LOC400499: variants seen among roughly 807,000 people sequenced by gnomAD.
chr16:11,409,209 C>T, the LOC400499 span, among the ~76,000 whole-genome samples: 7 of 151,658 alleles, frequency 4.6e-5, no homozygotes, highest in South Asian at 2.1e-4. Flanking sequence ...TGCGGTGAGT[C>T]GAGATCACGC....
chr16:11,469,897 C>T, the LOC400499 span, among the ~76,000 whole-genome samples: 1 of 152,182 alleles, frequency 6.6e-6, no homozygotes, highest in South Asian at 2.1e-4. Flanking sequence ...CCTGCACAGA[C>T]CCCTCCCATC....
the LOC400499 span, among the ~76,000 whole-genome samples, chr16:11,430,294 T>A: frequency 6.6e-6 from 1 of 152,118 alleles, no homozygotes; most frequent in Non-Finnish European, 1.5e-5. Flanking sequence ...GAGACCAGCC[T>A]GGTCAACCTG....
At chr16:11,417,949 G>A in the LOC400499 span, 135 of 397,346 alleles carry the variant, frequency 3.4e-4, no homozygotes, top group African/African-American at 2.5e-3. Flanking sequence ...CATCCACGTC[G>A]CTGTGATGGG....
the LOC400499 span, among the ~76,000 whole-genome samples, chr16:11,379,501 A>T: frequency 6.6e-6 from 1 of 152,202 alleles, no homozygotes; most frequent in East Asian, 1.9e-4. Flanking sequence ...TTTCACTTTC[A>T]ACCTGTGTAA....
chr16:11,418,309 G>A, the LOC400499 span, among the ~76,000 whole-genome samples: 1 of 152,212 alleles, frequency 6.6e-6, no homozygotes, highest in African/African-American at 2.4e-5. Context: ...TGCATTCCCA[G>A]GAGGTCAGGC....
At chr16:11,517,531 T>C in the LOC400499 span, among the ~76,000 whole-genome samples, 2 of 152,118 alleles carry the variant, frequency 1.3e-5, no homozygotes, top group Non-Finnish European at 2.9e-5. Flanking sequence ...TGCTCGGGGC[T>C]CCAGCTGGGA....
chr16:11,401,138 C>T, the LOC400499 span: 3 of 397,774 alleles, frequency 7.5e-6, no homozygotes, highest in East Asian at 1.1e-4. Flanking sequence ...AGCTGTGATT[C>T]CGGAGAAGTC....
the LOC400499 span, chr16:11,439,612 A>C: frequency 2.5e-6 from 1 of 399,140 alleles, no homozygotes; most frequent in Non-Finnish European, 4.4e-6. Context: ...GAGGGGTCAG[A>C]GGGAACAGAG....
At chr16:11,373,490 C>G in the LOC400499 span, among the ~76,000 whole-genome samples, 1 of 151,948 alleles carries the variant, frequency 6.6e-6, no homozygotes, top group Non-Finnish European at 1.5e-5. Flanking sequence ...CCTGCCACCA[C>G]GCCCGGCTAA....
At chr16:11,391,749 C>A in the LOC400499 span, 23 of 1,232,196 alleles carry the variant, frequency 1.9e-5, no homozygotes, top group East Asian at 6.6e-4. Context: ...TGCCTGGCTC[C>A]GGGCCCACAA....
the LOC400499 span, among the ~76,000 whole-genome samples, chr16:11,466,621 T>A: frequency 6.6e-6 from 1 of 152,122 alleles, no homozygotes; most frequent in Non-Finnish European, 1.5e-5. Context: ...ACTCCTGACC[T>A]CAGGTGAGCC....
At chr16:11,427,130 G>C in the LOC400499 span, among the ~76,000 whole-genome samples, 2 of 151,648 alleles carry the variant, frequency 1.3e-5, no homozygotes, top group Non-Finnish European at 2.9e-5. Flanking sequence ...GGCCTAGGAG[G>C]GTGGGTCACC....
chr16:11,422,098 T>C, the LOC400499 span, among the ~76,000 whole-genome samples: 1 of 152,198 alleles, frequency 6.6e-6, no homozygotes, highest in Non-Finnish European at 1.5e-5. Flanking sequence ...CACACAGGTT[T>C]ATCATTGAAA....
the LOC400499 span, among the ~76,000 whole-genome samples, chr16:11,445,189 G>C: frequency 6.6e-6 from 1 of 152,044 alleles, no homozygotes; most frequent in Non-Finnish European, 1.5e-5. Context: ...GGGAGGCCAA[G>C]GCGGGCAGAT....
chr16:11,460,700 G>T, the LOC400499 span: 1 of 1,442,764 alleles, frequency 6.9e-7, no homozygotes, highest in Non-Finnish European at 9.1e-7. Flanking sequence ...GCCCAGCCTG[G>T]CCTCAGCCAC....
At chr16:11,387,257 G>C in the LOC400499 span, 1 of 1,232,248 alleles carries the variant, frequency 8.1e-7, no homozygotes, top group Non-Finnish European at 1.0e-6. Flanking sequence ...CTCGTCCCCC[G>C]CAGGCAACAG....
At chr16:11,405,286 G>C in the LOC400499 span, among the ~76,000 whole-genome samples, 1 of 152,344 alleles carries the variant, frequency 6.6e-6, no homozygotes, top group Admixed American at 6.5e-5. Context: ...TGGTATTGCG[G>C]TTTCTCAATC....
the LOC400499 span, among the ~76,000 whole-genome samples, chr16:11,423,877 G>A: frequency 7.2e-5 from 11 of 152,316 alleles, no homozygotes; most frequent in Non-Finnish European, 1.2e-4. Flanking sequence ...CCAGCTGGGA[G>A]GGCAGGGTAC....
the LOC400499 span, among the ~76,000 whole-genome samples, chr16:11,387,796 G>C: frequency 1.3e-5 from 2 of 152,038 alleles, no homozygotes; most frequent in South Asian, 4.2e-4. Flanking sequence ...GCTAATTTTT[G>C]TATTTTTAGT....
Sources: gnomAD v4.1 joint callset for allele counts (sites outside exome capture counted in the v4.1 genomes callset) on GRCh38, gnomAD v4.1.1 for gene constraint, MANE v1.5 for transcripts.